The following CCDC60 variants were observed in gnomAD, a reference collection of about 807,000 sequenced individuals.
CCDC60 encodes coiled-coil domain containing 60, also known as coiled-coil domain-containing protein 60.
A neutral mutation model predicts 63.5 loss-of-function variants in CCDC60; 54 were observed. That is an observed-to-expected ratio of 0.85 (90% CI 0.68 to 1.07). The LOEUF (loss-of-function observed/expected upper bound fraction) is 1.07. CCDC60 is among the 50% of genes least tolerant of loss of function. CCDC60 has a pLI of 0.00. For synonymous variants in CCDC60, 206 were observed against 238.8 expected (o/e 0.86, Z 1.27); for missense variants, 651 against 684.3 (o/e 0.95, Z 0.54).
At chr12:119,385,694 G>T (rs990159485) in intron 1 of CCDC60, among the ~76,000 whole-genome samples, 3 of 152,190 alleles carry the variant, frequency 2.0e-5, no homozygotes, top group African/African-American at 7.2e-5. Context: ...AGAAAGGTTG[G>T]AGTCTCTGTT....
At chr12:119,478,644 G>T in intron 3 of CCDC60, among the ~76,000 whole-genome samples, 1 of 113,350 alleles carries the variant, frequency 8.8e-6, no homozygotes. Flanking sequence ...GTCTCACTCT[G>T]TCACCCAGGC....
chr12:119,361,018 T>C (rs1470589284), intron 1 of CCDC60, among the ~76,000 whole-genome samples: 1 of 151,792 alleles, frequency 6.6e-6, no homozygotes, highest in Non-Finnish European at 1.5e-5. Context: ...CGCCTGCAAT[T>C]GCAGGCACTC....
intron 1 of CCDC60, among the ~76,000 whole-genome samples, chr12:119,408,791 C>T (rs1289599107): frequency 6.6e-6 from 1 of 151,902 alleles, no homozygotes; most frequent in Non-Finnish European, 1.5e-5. Flanking sequence ...GGCCACTGCA[C>T]TCCAGCCTGG....
rs747255622 is a variant in CCDC60, at chr12:119,425,713, G to A, written c.91-2970G>A. ...TGCAAGCAACTCGCAGGGGCTCTCT[G>A]CTTCCCCATTTCTAGTCAGTAAGGA... On this transcript the variant is annotated intron_variant, in intron 1 of 13. Transcript: ENST00000327554. Among the ~76,000 whole-genome samples the A allele has an allele frequency of 2.6e-5, 4 of 152,150 alleles. No homozygotes were observed. The East Asian group carries it at 7.7e-4, about 29-fold the overall frequency.
chr12:119,430,714 C>T (rs1283395000), intron 2 of CCDC60, among the ~76,000 whole-genome samples: 1 of 147,720 alleles, frequency 6.8e-6, no homozygotes, highest in African/African-American at 2.5e-5. Context: ...ATAGCAGGAA[C>T]TCAGCCATCT....
intron 7 of CCDC60, 116 bp from the exon 8 acceptor site, chr12:119,516,507 G>C (rs1952358038): frequency 1.5e-6 from 1 of 664,682 alleles, no homozygotes; most frequent in Admixed American, 2.7e-5. Flanking sequence ...TCTCTCTCCA[G>C]ATCTCCAACC....
intron 13 of CCDC60, among the ~76,000 whole-genome samples, chr12:119,535,062 G>A (rs1952964160): frequency 6.6e-6 from 1 of 151,950 alleles, no homozygotes; most frequent in Non-Finnish European, 1.5e-5. Flanking sequence ...TTTTTTTCTT[G>A]GTAGGCTATT....
chr12:119,528,488 T>G, intron 11 of CCDC60, 127 bp from the exon 12 acceptor site: 1 of 1,088,220 alleles, frequency 9.2e-7, no homozygotes, highest in East Asian at 2.4e-5. Context: ...AGTTAAAGAT[T>G]AGCTGACAGG....
At chr12:119,455,178 C>G (rs553500265) in intron 2 of CCDC60, among the ~76,000 whole-genome samples, 4 of 152,194 alleles carry the variant, frequency 2.6e-5, no homozygotes, top group African/African-American at 9.6e-5. Flanking sequence ...TTGATGCCCA[C>G]GATAATGTGG....
chr12:119,522,869 G>A (rs1406441681), intron 9 of CCDC60, 70 bp from the exon 10 acceptor site: 3 of 1,379,746 alleles, frequency 2.2e-6, no homozygotes, highest in South Asian at 2.3e-5. Context: ...AGGTGCCATG[G>A]AGCACTGGGG....
At chr12:119,466,384 A>C (rs1950954342) in intron 2 of CCDC60, among the ~76,000 whole-genome samples, 1 of 152,214 alleles carries the variant, frequency 6.6e-6, no homozygotes, top group African/African-American at 2.4e-5. Context: ...CGTAATAAGC[A>C]TTCACCAAAT....
At position 119,401,624 on chromosome 12, in the gene CCDC60, TC is replaced by T. The variant is rs571259868; in HGVS notation, c.91-27058del. ...TTGGCAGATAATTAAAACCCAGTCT[TC>T]TTTTGTTTGACTCAGATAGATTTAT... On this transcript the variant is annotated intron_variant, in intron 1 of 13. Transcript: ENST00000327554. 1.9e-4 allele frequency among the ~76,000 whole-genome samples: 29 copies of T among 152,354 alleles called. No homozygotes were observed. In the South Asian group the frequency reaches 4.1e-3, roughly 22 times the overall value.
chr12:119,388,243 T>G (rs1290464556), intron 1 of CCDC60: 1 of 152,210 alleles, frequency 6.6e-6, no homozygotes, highest in Admixed American at 6.5e-5. Context: ...AGGATTGAGC[T>G]GCAAACTCAC....
intron 1 of CCDC60, among the ~76,000 whole-genome samples, chr12:119,401,253 G>A (rs539224929): frequency 6.6e-6 from 1 of 152,286 alleles, no homozygotes; most frequent in East Asian, 1.9e-4. Flanking sequence ...AATACCTGAT[G>A]TGACTCCCCA....
chr12:119,429,397 C>G (rs1016276790), intron 2 of CCDC60, among the ~76,000 whole-genome samples: 1 of 152,040 alleles, frequency 6.6e-6, no homozygotes, highest in Non-Finnish European at 1.5e-5. Flanking sequence ...TTAACTGTTT[C>G]CTGAGACCTG....
At chr12:119,487,012 G>T (rs528987674) in intron 4 of CCDC60, among the ~76,000 whole-genome samples, 6 of 152,070 alleles carry the variant, frequency 3.9e-5, no homozygotes, top group African/African-American at 1.4e-4. Flanking sequence ...TGCGGGGAGG[G>T]GGGTGGCTGG....
intron 1 of CCDC60, among the ~76,000 whole-genome samples, chr12:119,362,755 A>G (rs1955803502): frequency 6.6e-6 from 1 of 151,648 alleles, no homozygotes. Context: ...TTGGGTGAAC[A>G]TATACACTAG....
chr12:119,398,106 G>C (rs1475237887), intron 1 of CCDC60, among the ~76,000 whole-genome samples: 3 of 130,392 alleles, frequency 2.3e-5, no homozygotes, highest in Non-Finnish European at 5.0e-5. Context: ...GGGGCGGTGT[G>C]GGGGGAGGAA....
intron 1 of CCDC60, among the ~76,000 whole-genome samples, chr12:119,348,597 T>A (rs1267833810): frequency 6.6e-6 from 1 of 152,174 alleles, no homozygotes. Flanking sequence ...AGCTCTCACC[T>A]GTAATAGAAT....
Sources: gnomAD v4.1 joint callset for allele counts (sites outside exome capture counted in the v4.1 genomes callset) on GRCh38, gnomAD v4.1.1 for gene constraint, MANE v1.5 for transcripts, NCBI Gene and HGNC (gene_info 2026-07-23, HGNC 2026-07-21) for gene names.